SLC26A5: variants seen among roughly 807,000 people sequenced by gnomAD.
SLC26A5 encodes the protein prestin.
Under a neutral mutation model 81.0 loss-of-function variants are expected in SLC26A5, and 51 were observed. That is an observed-to-expected ratio of 0.63 (90% confidence interval 0.50 to 0.80). The LOEUF (loss-of-function observed/expected upper bound fraction) is 0.80, where lower values mean the gene tolerates loss of function less well. Ranked by LOEUF, SLC26A5 falls within the 30% of genes least tolerant of loss-of-function variation. The pLI is 0.00. For synonymous variants in SLC26A5, 325 were observed against 332.8 expected, an observed-to-expected ratio of 0.98 and a Z score of 0.25; for missense variants, 771 against 905.8, an observed-to-expected ratio of 0.85 and a Z score of 1.91.
chr7:103,421,835 T>C (rs1383914836), intron 2 of SLC26A5, among the ~76,000 whole-genome samples: 2 of 152,226 alleles, frequency 1.3e-5, no homozygotes, highest in Admixed American at 6.5e-5. Flanking sequence ...GGCTAAATAC[T>C]AGTCAGTTCC....
chr7:103,406,227 GA>G (rs1285446390), intron 8 of SLC26A5, among the ~76,000 whole-genome samples: 3 of 152,100 alleles, frequency 2.0e-5, no homozygotes, highest in African/African-American at 7.2e-5. Context: ...ACTGGGGTAT[GA>G]AAAAAACTCC....
At chr7:103,405,051 T>A (rs1365284531) in intron 8 of SLC26A5, among the ~76,000 whole-genome samples, 1 of 152,174 alleles carries the variant, frequency 6.6e-6, no homozygotes, top group Non-Finnish European at 1.5e-5. Flanking sequence ...TATGTTCTTC[T>A]CTAAACTGGT....
intron 4 of SLC26A5, among the ~76,000 whole-genome samples, chr7:103,418,628 A>C (rs1825104808): frequency 1.3e-5 from 2 of 152,164 alleles, no homozygotes; most frequent in African/African-American, 4.8e-5. Context: ...AAATATGGTA[A>C]ATCAGTCACT....
chr7:103,410,920 C>T (rs186029817), intron 6 of SLC26A5, among the ~76,000 whole-genome samples: 38 of 152,222 alleles, frequency 2.5e-4, no homozygotes, highest in African/African-American at 6.0e-4. Flanking sequence ...TGAGCCACCG[C>T]GCCCAGCCTC....
Position 103,421,546 on chromosome 7 carries a change from G to C in SLC26A5, c.-32C>G, listed in dbSNP as rs772631276. 1.2e-5 allele frequency: 19 copies of C among 1,611,964 alleles called. No individual in the cohort carries two copies. The highest frequency in any genetic ancestry group is 1.5e-5 in the Non-Finnish European group (18 of 1,178,722). On this transcript the variant is annotated 5_prime_UTR_variant, in exon 3 of 20. Coordinates refer to ENST00000306312, the MANE Select transcript of SLC26A5 (RefSeq NM_198999.3). ...CTGAAATTATTCCTTAACAGCCGGA[G>C]ACAAGCATTTCCTGAGTGTCACTAG... is the stretch of plus-strand genomic sequence containing the variant.
intron 14 of SLC26A5, among the ~76,000 whole-genome samples, chr7:103,381,838 C>T (rs1435056281): frequency 6.6e-6 from 1 of 151,452 alleles, no homozygotes; most frequent in Non-Finnish European, 1.5e-5. Flanking sequence ...ACACAACACA[C>T]ACATGCATAT....
At chr7:103,355,495 G>T (rs1277688902) in intron 19 of SLC26A5, among the ~76,000 whole-genome samples, 1 of 131,024 alleles carries the variant, frequency 7.6e-6, no homozygotes, top group Admixed American at 8.5e-5. Context: ...ATCCTTGATT[G>T]TCATGACTTT....
At chr7:103,379,509 G>GA (rs943306741) in intron 15 of SLC26A5, among the ~76,000 whole-genome samples, 174 bp from the exon 16 acceptor site, 2 of 144,542 alleles carry the variant, frequency 1.4e-5, no homozygotes, top group Admixed American at 6.9e-5. Flanking sequence ...GATAAGAAAA[G>GA]AAAAAAAAAG....
At chr7:103,384,596 G>A (rs1353551630) in intron 14 of SLC26A5, among the ~76,000 whole-genome samples, 2 of 151,426 alleles carry the variant, frequency 1.3e-5, no homozygotes, top group Non-Finnish European at 2.9e-5. Flanking sequence ...CAGCCTGGGC[G>A]ACAGAGCATG....
intron 14 of SLC26A5, chr7:103,388,802 A>G (rs1822411316): frequency 5.8e-6 from 3 of 518,066 alleles, no homozygotes; most frequent in African/African-American, 3.8e-5. Flanking sequence ...GACATAGAAG[A>G]GCATTTGGCA....
intron 2 of SLC26A5, chr7:103,433,705 T>TTC (rs1333369793): frequency 4.2e-5 from 6 of 143,414 alleles, no homozygotes; most frequent in African/African-American, 1.6e-4. Flanking sequence ...TTTTCTTTCT[T>TTC]TTTTTTTTTT....
intron 8 of SLC26A5, among the ~76,000 whole-genome samples, chr7:103,400,600 G>T (rs1314725091): frequency 6.6e-6 from 1 of 152,150 alleles, no homozygotes; most frequent in African/African-American, 2.4e-5. Context: ...TTTGGCTTTT[G>T]TTGCCATTGC....
intron 19 of SLC26A5, among the ~76,000 whole-genome samples, chr7:103,358,733 T>C (rs914164081): frequency 2.0e-5 from 3 of 152,136 alleles, no homozygotes; most frequent in Admixed American, 2.0e-4. Flanking sequence ...CTATGGTAAA[T>C]TAAAAAATCT....
chr7:103,355,903 C>G (rs1245998111), intron 19 of SLC26A5: 39 of 739,130 alleles, frequency 5.3e-5, no homozygotes, highest in Non-Finnish European at 7.8e-5. Context: ...ATTCCAAATT[C>G]CAAGTAAATA....
intron 9 of SLC26A5, among the ~76,000 whole-genome samples, chr7:103,393,702 A>G (rs752599883): frequency 5.3e-5 from 8 of 151,458 alleles, no homozygotes; most frequent in Admixed American, 3.3e-4. Flanking sequence ...TAAAAGTGTG[A>G]CTCCTGGAAT....
intron 10 of SLC26A5, among the ~76,000 whole-genome samples, chr7:103,392,145 G>C (rs764565997): frequency 2.0e-5 from 3 of 152,104 alleles, no homozygotes; most frequent in Non-Finnish European, 2.9e-5. Flanking sequence ...GTCTTCCTGG[G>C]GCAAGTGAGT....
chr7:103,421,410 C>T lies in SLC26A5; in HGVS notation c.105G>A (p.Lys35=). Residue 35 remains lysine (K), a synonymous_variant, in exon 3 of 20, where the codon AAG becomes AAA. Transcript: ENST00000306312. ...HPVLQERLHT[K]DKVPDSIADK... ...CCGCAATGGAATCAGGAACCTTGTC[C>T]TTTGTGTGTAGTCTTTCCTGGAGGA... is the stretch of plus-strand genomic sequence containing the variant. The T allele has an allele frequency of 6.2e-7, 1 of 1,614,068 alleles. No individual in the cohort carries two copies. Among genetic ancestry groups the T allele is most frequent in the South Asian group, 1.1e-5 (1 of 91,078 alleles).
At chr7:103,430,631 C>T (rs1220689214) in intron 2 of SLC26A5, among the ~76,000 whole-genome samples, 2 of 91,366 alleles carry the variant, frequency 2.2e-5, no homozygotes, top group Non-Finnish European at 1.9e-5. Context: ...TTTGAAGTGG[C>T]TCTCAAATAA....
intron 4 of SLC26A5, 93 bp from the exon 5 acceptor site, chr7:103,413,205 G>A (rs1232470281): frequency 7.2e-6 from 6 of 836,176 alleles, no homozygotes; most frequent in African/African-American, 1.7e-5. Flanking sequence ...TCTGATGAAC[G>A]AGTGAAGCCC....
Sources: allele counts gnomAD v4.1 joint callset (sites outside exome capture counted in the v4.1 genomes callset), GRCh38; gene constraint gnomAD v4.1.1; transcripts MANE v1.5; gene names NCBI Gene and HGNC (gene_info 2026-07-23, HGNC 2026-07-21).